The following PDCD10 variants were observed in gnomAD, a reference collection of about 807,000 sequenced individuals.
PDCD10 encodes programmed cell death 10.
Under a neutral mutation model 29.2 loss-of-function variants are expected in PDCD10, and 4 were observed. That is an observed-to-expected ratio of 0.14 (90% confidence interval 0.07 to 0.31). PDCD10 has a LOEUF of 0.31. Among genes scored for constraint, PDCD10 ranks in the 10% least tolerant of loss-of-function variants. The pLI is 1.00. For synonymous variants in PDCD10, 70 were observed against 82.2 expected (o/e 0.85, Z 0.80); for missense variants, 183 against 257.9 (o/e 0.71, Z 1.99).
intron 2 of PDCD10, among the ~76,000 whole-genome samples, chr3:167,732,366 T>A (rs1168071193): frequency 1.3e-5 from 2 of 152,094 alleles, no homozygotes; most frequent in African/African-American, 2.4e-5. Flanking sequence ...ACATCCCAAG[T>A]CCTCTAAGAA....
chr3:167,693,591 G>T (rs573825894), intron 6 of PDCD10, among the ~76,000 whole-genome samples: 2 of 152,160 alleles, frequency 1.3e-5, no homozygotes, highest in African/African-American at 4.8e-5. Flanking sequence ...GGTAGAGCCA[G>T]GCTCAAGGAG....
intron 2 of PDCD10, among the ~76,000 whole-genome samples, chr3:167,720,704 TAAA>T (rs1723480128): frequency 6.6e-6 from 1 of 152,054 alleles, no homozygotes; most frequent in Admixed American, 6.6e-5. Context: ...GAAGAATCAA[TAAA>T]GAAGAAAGAA....
intron 4 of PDCD10, among the ~76,000 whole-genome samples, chr3:167,698,960 CA>C (rs1274355798): frequency 6.6e-6 from 1 of 152,288 alleles, no homozygotes; most frequent in East Asian, 1.9e-4. Context: ...CCAAAAGATA[CA>C]CCTCACAGTG....
Position 167,734,694 on chromosome 3 carries a change from TCCG to T in PDCD10, c.-289_-287del, listed in dbSNP as rs1166511669. ...GGGCCCCGCTCTCAGCCCCGTCCGC[TCCG>T]CCTGCCAGAACCAAGCCCAAGTGCC... On this transcript the variant is annotated 5_prime_UTR_variant, in exon 1 of 9. Transcript: ENST00000392750. 1 of 154,448 alleles carries T rather than the reference TCCG, an allele frequency of 6.5e-6. No individual in the cohort carries two copies. The highest frequency in any genetic ancestry group is 1.4e-5 in the Non-Finnish European group (1 of 69,640). 9.6% of individuals were successfully genotyped at this position (154,448 alleles called of 1,614,324 possible).
intron 2 of PDCD10, among the ~76,000 whole-genome samples, chr3:167,725,995 G>C (rs1405669090): frequency 6.6e-6 from 1 of 150,676 alleles, no homozygotes. Context: ...GACAACTCTA[G>C]GGTACTTAGC....
intron 8 of PDCD10, among the ~76,000 whole-genome samples, chr3:167,685,758 GT>G (rs1199732859): frequency 6.6e-6 from 1 of 152,010 alleles, no homozygotes; most frequent in Non-Finnish European, 1.5e-5. Context: ...ATTTTAATGT[GT>G]TTTTGGTTAT....
At chr3:167,700,188 A>C (rs1480040381) in intron 4 of PDCD10, among the ~76,000 whole-genome samples, 2 of 152,192 alleles carry the variant, frequency 1.3e-5, no homozygotes, top group Non-Finnish European at 2.9e-5. Flanking sequence ...TATTGCAGTC[A>C]GTTCAAGTAT....
intron 4 of PDCD10, among the ~76,000 whole-genome samples, chr3:167,702,877 T>G (rs1217056154): frequency 2.6e-5 from 4 of 150,996 alleles, no homozygotes; most frequent in Non-Finnish European, 6.0e-5. Flanking sequence ...CAGTGTAAAA[T>G]TAGTTACTTT....
At chr3:167,688,512 C>A (rs997550773) in intron 6 of PDCD10, among the ~76,000 whole-genome samples, 2 of 152,172 alleles carry the variant, frequency 1.3e-5, no homozygotes, top group African/African-American at 4.8e-5. Context: ...TTCTTCCTAT[C>A]CATGCACCAT....
chr3:167,692,961 G>A (rs1720419064), intron 6 of PDCD10, among the ~76,000 whole-genome samples: 1 of 152,108 alleles, frequency 6.6e-6, no homozygotes, highest in Admixed American at 6.5e-5. Flanking sequence ...AACCCTTAGT[G>A]TTTGTCCCTT....
intron 2 of PDCD10, among the ~76,000 whole-genome samples, chr3:167,723,711 G>C (rs1013345818): frequency 6.6e-6 from 1 of 152,174 alleles, no homozygotes; most frequent in African/African-American, 2.4e-5. Flanking sequence ...TTCAAAGTAA[G>C]CTTTGTGTAC....
Position 167,697,146 on chromosome 3 carries a change from A to G in PDCD10, c.151-20T>C, listed in dbSNP as rs1450999673. On this transcript the variant is annotated intron_variant, in intron 4 of 8. Coordinates refer to ENST00000392750, the MANE Select transcript of PDCD10 (RefSeq NM_007217.4). Reference sequence around the variant, plus strand: ...TTCAGCCTATAATAAAGAGAAAACTAGTTTTGAAATACAGATAAGGAATCA... The same window carrying G: ...TTCAGCCTATAATAAAGAGAAAACTGGTTTTGAAATACAGATAAGGAATCA... 4 of 1,285,974 alleles carry G rather than the reference A, an allele frequency of 3.1e-6. No homozygotes were observed. In the East Asian group the frequency reaches 6.9e-5, roughly 22 times the overall value. 79.7% of individuals were successfully genotyped at this position (1,285,974 alleles called of 1,614,324 possible). A position where few individuals can be genotyped will look rare whatever the true frequency, so the allele number is the denominator to read the frequency against.
intron 6 of PDCD10, among the ~76,000 whole-genome samples, chr3:167,691,629 G>A (rs535902290): frequency 1.3e-5 from 2 of 152,294 alleles, no homozygotes; most frequent in East Asian, 3.9e-4. Context: ...TGAGAGCTCT[G>A]GGCCTACATT....
rs559870707 is a variant in PDCD10, at chr3:167,699,674, A to G, written c.151-2548T>C. Reference sequence around the variant, plus strand: ...AGAAAAAAATAAACCGAAGGGCAGCAACATACACTCTTGTGGATCAGTGAT... The same window carrying G: ...AGAAAAAAATAAACCGAAGGGCAGCGACATACACTCTTGTGGATCAGTGAT... On this transcript the variant is annotated intron_variant, in intron 4 of 8. Transcript: ENST00000392750. Among the ~76,000 whole-genome samples the G allele has an allele frequency of 2.0e-5, 3 of 152,338 alleles. No homozygotes were observed. The East Asian group carries it at 5.8e-4, about 29-fold the overall frequency.
chr3:167,728,619 T>C (rs1724467483), intron 2 of PDCD10, among the ~76,000 whole-genome samples: 1 of 152,186 alleles, frequency 6.6e-6, no homozygotes. Context: ...ACTTAGTATA[T>C]TAGAAAGACT....
chr3:167,693,990 A>C (rs1473147179), intron 6 of PDCD10, among the ~76,000 whole-genome samples: 2 of 152,038 alleles, frequency 1.3e-5, no homozygotes, highest in Non-Finnish European at 2.9e-5. Context: ...CTGCGACTCC[A>C]CTTTGCCATT....
intron 3 of PDCD10, among the ~76,000 whole-genome samples, chr3:167,717,742 A>C (rs1723161282): frequency 6.6e-6 from 1 of 152,052 alleles, no homozygotes; most frequent in African/African-American, 2.4e-5. Flanking sequence ...CCTAATAAGT[A>C]CCATCCCTAT....
chr3:167,696,692 A>T (rs1251852476), intron 5 of PDCD10, among the ~76,000 whole-genome samples: 1 of 152,208 alleles, frequency 6.6e-6, no homozygotes, highest in Non-Finnish European at 1.5e-5. Flanking sequence ...GCTTAAAGTC[A>T]ACACATTCCA....
rs1719261944 is a variant in PDCD10 at position 167,683,309 on chromosome 3, T to TC, written c.*998dup. 1 of 152,100 alleles carries TC rather than the reference T, an allele frequency of 6.6e-6. No individual in the cohort carries two copies. The highest frequency in any genetic ancestry group is 1.5e-5 in the Non-Finnish European group (1 of 67,948). The allele number at this position is 152,100 out of a possible 1,614,324, so 9.4% of individuals were successfully genotyped here. A position where few individuals can be genotyped will look rare whatever the true frequency, so the allele number is the denominator to read the frequency against. On this transcript the variant is annotated 3_prime_UTR_variant, in exon 9 of 9. Coordinates refer to ENST00000392750, the MANE Select transcript of PDCD10 (RefSeq NM_007217.4). ...AAAAGATAAGCAAATTCTGATTTTTTCCCTTTATTTTATAATTGAAAAATG... is the reference window on the plus strand; with the variant it reads ...AAAAGATAAGCAAATTCTGATTTTTTCCCCTTTATTTTATAATTGAAAAATG...
Sources: allele counts gnomAD v4.1 joint callset (sites outside exome capture counted in the v4.1 genomes callset), GRCh38; gene constraint gnomAD v4.1.1; transcripts MANE v1.5; gene names NCBI Gene and HGNC (gene_info 2026-07-23, HGNC 2026-07-21).